PLIN4: variants seen among roughly 807,000 people sequenced by gnomAD.
PLIN4 encodes perilipin 4.
A neutral mutation model predicts 52.4 loss-of-function variants in PLIN4; 57 were observed. That is an observed-to-expected ratio of 1.09 (90% CI 0.88 to 1.36). The LOEUF (loss-of-function observed/expected upper bound fraction) is 1.36. PLIN4 is among the 40% of genes most tolerant of loss of function. The pLI is 0.00. For missense variants in PLIN4, 1,757 were observed against 1,770.3 expected (o/e 0.99, Z 0.13); for synonymous variants, 826 against 785.4 (o/e 1.05, Z -0.86).
Position 4,511,006 on chromosome 19 carries a change from G to C in PLIN4, c.2954C>G (p.Ala985Gly), listed in dbSNP as rs759055742. The change falls in exon 5 of 8, where the codon GCC (alanine) becomes GGC (glycine). Residue 985 changes from alanine to glycine, a missense_variant. Ala to Gly is a moderately conservative substitution (Grantham distance 60). Transcript: ENST00000301286. ...GGTACCCATAAGCACAGCCTTGGAG[G>C]CGTCCACGCCGGTCTGCACGGTTCC... ...AKGTVQTGVDASKAVLMGTKD... is the reference protein window; with the variant it reads ...AKGTVQTGVDGSKAVLMGTKD... 10 of 1,613,192 alleles carry C rather than the reference G, an allele frequency of 6.2e-6. No individual in the cohort carries two copies. The South Asian group carries it at 1.1e-4, about 18-fold the overall frequency.
chr19:4,506,892 T>G (rs945523033), intron 6 of PLIN4, among the ~76,000 whole-genome samples: 4 of 152,220 alleles, frequency 2.6e-5, no homozygotes, highest in African/African-American at 9.6e-5. Context: ...ACTGTGCATC[T>G]GGGGGTGGCC....
intron 3 of PLIN4, among the ~76,000 whole-genome samples, chr19:4,517,151 T>TG (rs1255748384): frequency 1.3e-5 from 2 of 152,172 alleles, no homozygotes; most frequent in Non-Finnish European, 2.9e-5. Flanking sequence ...TCGCCCAAGC[T>TG]GAGCCACAGG....
At chr19:4,518,100 C>A in intron 2 of PLIN4, 122 bp downstream of exon 2, 1 of 878,582 alleles carries the variant, frequency 1.1e-6, no homozygotes, top group Non-Finnish European at 1.5e-6. Flanking sequence ...CAGACCGCCC[C>A]CACCAGCCCA....
rs1003594345 is a variant in PLIN4, at chr19:4,504,024, C to A, written c.*435G>T. The A allele has an allele frequency of 6.2e-6, 1 of 162,464 alleles. No homozygotes were observed. The highest frequency in any genetic ancestry group is 2.4e-5 in the African/African-American group (1 of 41,764). 10.1% of individuals were successfully genotyped at this position (162,464 alleles called of 1,614,324 possible). ...GGAGCCTGGGATGCCACAGCACTGC[C>A]TGCACCGCTGATAGCTGGGGGCCCG... On this transcript the variant is annotated 3_prime_UTR_variant, in exon 8 of 8. Coordinates refer to ENST00000301286, the MANE Select transcript of PLIN4 (RefSeq NM_001367868.2).
Position 4,511,859 on chromosome 19 carries a change from T to A in PLIN4, c.2101A>T (p.Thr701Ser). 1 of 1,608,340 alleles carries A rather than the reference T, an allele frequency of 6.2e-7. No homozygotes were observed. Among genetic ancestry groups the A allele is most frequent in the East Asian group, 2.2e-5 (1 of 44,794 alleles). The part of the protein sequence containing the change: ...TVLTGTKDTV[T>S]TGLMGAVNVA... ...TTCACTGCCCCCATGAGCCCAGTAGTGACTGTGTCCTTGGTGCCGGTCAGC... is the reference window on the plus strand; with the variant it reads ...TTCACTGCCCCCATGAGCCCAGTAGAGACTGTGTCCTTGGTGCCGGTCAGC... The change falls in exon 5 of 8, where the codon ACT becomes TCT. Residue 701 changes from threonine to serine, a missense_variant. Physicochemically the swap from Thr to Ser is moderately conservative, Grantham distance 58. Coordinates refer to ENST00000301286, the MANE Select transcript of PLIN4 (RefSeq NM_001367868.2).
chr19:4,505,575 G>C (rs534086479), intron 6 of PLIN4, among the ~76,000 whole-genome samples: 1 of 152,092 alleles, frequency 6.6e-6, no homozygotes, highest in African/African-American at 2.4e-5. Flanking sequence ...GTGTTTATCC[G>C]CCCCTGGCAG....
Position 4,512,418 on chromosome 19 carries a change from T to C in PLIN4, c.1542A>G (p.Lys514=). Residue 514 remains lysine, a synonymous_variant, in exon 5 of 8, where the codon AAA becomes AAG. Transcript: ENST00000301286. ...TGTCTACGCCGGTCTGGACGGTCCC[T>C]TTGGCCACGTTCACAGCCCCTGTGA... ...TGLTGAVNVA[K]GTVQTGVDTT... is the part of the protein sequence containing the mutation. 1 of 1,607,130 alleles carries C rather than the reference T, an allele frequency of 6.2e-7. No individual in the cohort carries two copies. The highest frequency in any genetic ancestry group is 8.5e-7 in the Non-Finnish European group (1 of 1,177,826).
chr19:4,518,340 C>G, intron 1 of PLIN4, 45 bp downstream of exon 1: 1 of 1,231,116 alleles, frequency 8.1e-7, no homozygotes, highest in Non-Finnish European at 1.0e-6. Flanking sequence ...AGCCTCCCAT[C>G]CCACACCCAC....
Position 4,518,411 on chromosome 19 carries a change from C to T in PLIN4, c.-44G>A. 1 of 1,229,694 alleles carries T rather than the reference C, an allele frequency of 8.1e-7. No individual in the cohort carries two copies. The highest frequency in any genetic ancestry group is 1.0e-6 in the Non-Finnish European group (1 of 987,080). 76.2% of individuals were successfully genotyped at this position (1,229,694 alleles called of 1,614,324 possible). On this transcript the variant is annotated 5_prime_UTR_variant, in exon 1 of 8. Transcript: ENST00000301286. ...TGCAGGCCTGGCCTCACCCTGGTGT[C>T]ACCGAAGCAGACGCGGCCCCGCTCA... is the stretch of plus-strand genomic sequence containing the variant.
chr19:4,510,324 C>G, intron 5 of PLIN4, 122 bp downstream of exon 5: 1 of 1,116,946 alleles, frequency 9.0e-7, no homozygotes, highest in Non-Finnish European at 1.1e-6. Flanking sequence ...CGAGATCACG[C>G]CACTGCACTC....
intron 3 of PLIN4, among the ~76,000 whole-genome samples, 178 bp downstream of exon 3, chr19:4,517,376 C>T (rs964866105): frequency 2.0e-5 from 3 of 152,062 alleles, no homozygotes; most frequent in Admixed American, 1.3e-4. Context: ...CGGCCACTCA[C>T]CCCCCATATT....
At chr19:4,517,999 C>T (rs1323185245) in intron 2 of PLIN4, among the ~76,000 whole-genome samples, 4 of 152,186 alleles carry the variant, frequency 2.6e-5, no homozygotes, top group Non-Finnish European at 4.4e-5. Context: ...GAGGCCGGCC[C>T]AAGGTCACTT....
In PLIN4 at chr19:4,512,755, G is replaced by T; in HGVS notation, c.1205C>A (p.Thr402Lys). Residue 402 changes from threonine to lysine, a missense_variant, in exon 5 of 8, where the codon ACG becomes AAG. Around this residue, in one of 7 missense-constraint regions of PLIN4, gnomAD observed 439 missense variants for 406.4 expected, o/e 1.08. Transcript: ENST00000301286. ...TGCCCCTGTGAGCCCAGTGGACATCGTGTCTTTCGTACCCATGACCATAGA... is the reference window on the plus strand; with the variant it reads ...TGCCCCTGTGAGCCCAGTGGACATCTTGTCTTTCGTACCCATGACCATAGA... Reference protein sequence around the residue: ...TKSMVMGTKDTMSTGLTGAAN... With the variant: ...TKSMVMGTKDKMSTGLTGAAN... 2.6e-6 allele frequency: 4 copies of T among 1,560,020 alleles called. 1 individual carries two copies. In the South Asian group the frequency reaches 4.5e-5, roughly 17 times the overall value.
Position 4,502,205 on chromosome 19 carries a change from A to G in PLIN4, c.*2254T>C, listed in dbSNP as rs574669437. On this transcript the variant is annotated 3_prime_UTR_variant, in exon 8 of 8. Transcript: ENST00000301286. ...GACTATAAATGGTTTTTTAATGAAA[A>G]AAGAAATCACTTTTATTGGCTTGGT... The G allele has an allele frequency of 1.5e-6, 1 of 670,818 alleles. No homozygotes were observed. Among genetic ancestry groups the G allele is most frequent in the South Asian group, 1.6e-5 (1 of 61,344 alleles). 41.6% of individuals were successfully genotyped at this position (670,818 alleles called of 1,614,324 possible).
intron 6 of PLIN4, among the ~76,000 whole-genome samples, chr19:4,506,370 C>G (rs369521980): frequency 6.6e-6 from 1 of 152,200 alleles, no homozygotes; most frequent in African/African-American, 2.4e-5. Flanking sequence ...CGCACTCCCT[C>G]TCTGTCATTT....
Position 4,510,693 on chromosome 19 carries a change from G to T in PLIN4, c.3267C>A (p.Phe1089Leu), listed in dbSNP as rs776147767. ...QTALSPQEAP[F>L]SGISTPPDVL... is the part of the protein sequence containing the mutation. ...CATCCGGGGGCGTGGAGATGCCAGAGAACGGGGCCTCTTGGGGGCTCAGGG... is the reference window on the plus strand; with the variant it reads ...CATCCGGGGGCGTGGAGATGCCAGATAACGGGGCCTCTTGGGGGCTCAGGG... The change falls in exon 5 of 8, where the codon TTC (phenylalanine) becomes TTA (leucine). Residue 1089 changes from phenylalanine to leucine, a missense_variant. This residue lies in a region of PLIN4 where 712 missense variants were observed against 637.1 expected (regional missense o/e 1.12). Coordinates refer to ENST00000301286, the MANE Select transcript of PLIN4 (RefSeq NM_001367868.2). 7.9e-6 allele frequency: 12 copies of T among 1,523,470 alleles called. No homozygotes were observed. The highest frequency in any genetic ancestry group is 1.1e-5 in the Non-Finnish European group (12 of 1,139,080). 94.4% of individuals were successfully genotyped at this position (1,523,470 alleles called of 1,614,324 possible). A position where few individuals can be genotyped will look rare whatever the true frequency, so the allele number is the denominator to read the frequency against.
At chr19:4,506,285 T>G (rs533307363) in intron 6 of PLIN4, among the ~76,000 whole-genome samples, 1 of 152,208 alleles carries the variant, frequency 6.6e-6, no homozygotes, top group African/African-American at 2.4e-5. Flanking sequence ...TCCTCCAACA[T>G]GCCGGGACAG....
In PLIN4 at chr19:4,508,797, G is replaced by A. The variant is rs928973886; in HGVS notation, c.3673C>T (p.Leu1225=). ...CTGAAGCAGTCCTGGAGCTGGGCCA[G>A]AGTGTCCCTGGCTTGGAACTGGCCG... The part of the protein sequence containing the change: ...QHGQFQARDT[L]AQLQDCFRLI... The change falls in exon 6 of 8, where the codon CTG becomes TTG. Residue 1225 remains leucine, a synonymous_variant. Transcript: ENST00000301286. 1.9e-6 allele frequency: 3 copies of A among 1,595,420 alleles called. No homozygotes were observed. Among genetic ancestry groups the A allele is most frequent in the Non-Finnish European group, 2.6e-6 (3 of 1,171,504 alleles).
intron 2 of PLIN4, 127 bp downstream of exon 2, chr19:4,518,095 C>G (rs1266309413): frequency 3.6e-6 from 3 of 830,908 alleles, no homozygotes; most frequent in Non-Finnish European, 4.9e-6. Flanking sequence ...GCTCCCAGAC[C>G]GCCCCCACCA....
Sources: allele counts gnomAD v4.1 joint callset (sites outside exome capture counted in the v4.1 genomes callset), GRCh38; gene constraint gnomAD v4.1.1; regional missense constraint gnomAD v4.1.1; transcripts MANE v1.5; gene names NCBI Gene and HGNC (gene_info 2026-07-23, HGNC 2026-07-21).